RPS6KA2: variants seen among roughly 807,000 people sequenced by gnomAD.
RPS6KA2 encodes the protein ribosomal protein S6 kinase A2.
Under a neutral mutation model 91.8 loss-of-function variants are expected in RPS6KA2, and 42 were observed. That is an observed-to-expected ratio of 0.46 (90% CI 0.36 to 0.59). The LOEUF (loss-of-function observed/expected upper bound fraction) is 0.59, where lower values mean the gene tolerates loss of function less well. Among genes scored for constraint, RPS6KA2 ranks in the 20% least tolerant of loss-of-function variants. RPS6KA2 has a pLI of 0.00. For missense variants in RPS6KA2, 798 were observed against 978.5 expected (o/e 0.82, Z 2.46); for synonymous variants, 414 against 393.6 (o/e 1.05, Z -0.61).
intron 2 of RPS6KA2, among the ~76,000 whole-genome samples, chr6:166,768,437 G>A (rs733294): frequency 0.26 from 38,861 of 152,012 alleles, 5,081 homozygotes; most frequent in African/African-American, 0.28. Context: ...TGCCACCCAC[G>A]CTTCTGGGAC....
intron 2 of RPS6KA2, among the ~76,000 whole-genome samples, chr6:166,813,253 C>A (rs1166155881): frequency 6.6e-6 from 1 of 152,184 alleles, no homozygotes; most frequent in Non-Finnish European, 1.5e-5. Context: ...CCCACAGCAG[C>A]AGCCAGGGCT....
In RPS6KA2 at chr6:166,737,094, C is replaced by T. The variant is rs113881757; in HGVS notation, c.123+121106G>A. 0.01 allele frequency among the ~76,000 whole-genome samples: 1,550 copies of T among 152,286 alleles called. 21 individuals carry two copies. Among genetic ancestry groups the T allele is most frequent in the African/African-American group, 0.036 (1,476 of 41,552 alleles). ...TTACAGACGCAAAAAGATAGATGCACATTCTTTGTCAACTGTCACAAACGA... is the reference window on the plus strand; with the variant it reads ...TTACAGACGCAAAAAGATAGATGCATATTCTTTGTCAACTGTCACAAACGA... On this transcript the variant is annotated intron_variant, in intron 2 of 21. Coordinates refer to the RPS6KA2 transcript ENST00000503859. This position sits in a 1 kb window ranked among gnomAD's most constrained non-coding sequence, Gnocchi z 4.3.
chr6:166,424,601 A>T (rs797016581), intron 16 of RPS6KA2, among the ~76,000 whole-genome samples: 1 of 152,122 alleles, frequency 6.6e-6, no homozygotes. Flanking sequence ...CCCACTGGCC[A>T]CCTACTCATG....
At chr6:166,442,505 C>T (rs1408104492) in intron 14 of RPS6KA2, among the ~76,000 whole-genome samples, 2 of 152,218 alleles carry the variant, frequency 1.3e-5, no homozygotes, top group Non-Finnish European at 1.5e-5. Context: ...GATTAAATGA[C>T]TTCACACATA....
intron 2 of RPS6KA2, among the ~76,000 whole-genome samples, chr6:166,659,928 ATT>A (rs111723183): frequency 1.4e-5 from 2 of 142,300 alleles, no homozygotes; most frequent in African/African-American, 2.6e-5. Context: ...CATTTTTTGT[ATT>A]TTTTTTTTTT....
chr6:166,803,237 T>G (rs1208485705), intron 2 of RPS6KA2, among the ~76,000 whole-genome samples: 2 of 152,236 alleles, frequency 1.3e-5, no homozygotes, highest in Non-Finnish European at 2.9e-5. Context: ...AGAAGCGATC[T>G]TTTTAGAAGT....
At chr6:166,549,020 A>C (rs934953447) in intron 1 of RPS6KA2, among the ~76,000 whole-genome samples, 14 of 152,240 alleles carry the variant, frequency 9.2e-5, no homozygotes, top group Non-Finnish European at 1.8e-4. Context: ...TGGGGGAGAC[A>C]AGCAGATATT....
Position 166,626,916 on chromosome 6 carries a change from A to C in RPS6KA2, c.99+5T>G. 1 of 1,516,458 alleles carries C rather than the reference A, an allele frequency of 6.6e-7. No homozygotes were observed. Among genetic ancestry groups the C allele is most frequent in the Non-Finnish European group, 8.9e-7 (1 of 1,129,016 alleles). 93.9% of individuals were successfully genotyped at this position (1,516,458 alleles called of 1,614,324 possible). A position where few individuals can be genotyped will look rare whatever the true frequency, so the allele number is the denominator to read the frequency against. ...ACCTGCGCGCCCCGAGGGCGGCCGC[A>C]TTACCTCGAGCCGGCTCAGGCTGGA... On this transcript the variant is annotated splice_donor_5th_base_variant and intron_variant, in intron 1 of 20. Transcript: ENST00000265678. The surrounding 1 kb of genome is among the most constrained non-coding windows in gnomAD (Gnocchi z 4.1).
intron 10 of RPS6KA2, among the ~76,000 whole-genome samples, chr6:166,480,047 C>T (rs563275601): frequency 6.6e-6 from 1 of 152,094 alleles, no homozygotes; most frequent in East Asian, 1.9e-4. Context: ...TCTCTGTGCA[C>T]TTGTGTGAAT....
chr6:166,653,456 C>CA (rs1367233276), intron 2 of RPS6KA2, among the ~76,000 whole-genome samples: 2 of 152,256 alleles, frequency 1.3e-5, no homozygotes, highest in Non-Finnish European at 2.9e-5. Context: ...GTTATTGAAT[C>CA]AGACACGAGA....
In RPS6KA2 at chr6:166,451,358, T is replaced by TGC. The variant is rs1554275049; in HGVS notation, c.1076-127_1076-126dup. Reference sequence around the variant, plus strand: ...GTGTGTGTGTGTGTGTGTGTGTGTGTGCACGTGGCGTATGCCTGTGGTGGA... The same window carrying TGC: ...GTGTGTGTGTGTGTGTGTGTGTGTGTGCGCACGTGGCGTATGCCTGTGGTGGA... On this transcript the variant is annotated intron_variant, in intron 12 of 20. Coordinates refer to ENST00000265678, the MANE Select transcript of RPS6KA2 (RefSeq NM_021135.6). The TGC allele has an allele frequency of 3.4e-4, 348 of 1,012,544 alleles. 1 individual carries two copies. The African/African-American group carries it at 4.4e-3, about 13-fold the overall frequency. 62.7% of individuals were successfully genotyped at this position (1,012,544 alleles called of 1,614,324 possible). A position where few individuals can be genotyped will look rare whatever the true frequency, so the allele number is the denominator to read the frequency against.
intron 13 of RPS6KA2, among the ~76,000 whole-genome samples, chr6:166,449,813 TGGGAACCACCACAGGGACCACCAC>T (rs1449318565): frequency 3.2e-4 from 36 of 113,942 alleles, no homozygotes; most frequent in Middle Eastern, 4.6e-3. Context: ...GGGACCACCA[TGGGAACCACCACAGGGACCACCAC>T]GGGACAACCA....
At position 166,548,942 on chromosome 6, in the gene RPS6KA2, G is replaced by A. The variant is rs183502496; in HGVS notation, c.100-10158C>T. Among the ~76,000 whole-genome samples, 470 of 152,288 alleles carry A rather than the reference G, an allele frequency of 3.1e-3. 3 individuals are homozygous for A. Among genetic ancestry groups the A allele is most frequent in the Non-Finnish European group, 5.5e-3 (373 of 68,022 alleles). On this transcript the variant is annotated intron_variant, in intron 1 of 20. Transcript: ENST00000265678. ...TGTTTAAACCACACATCCAACAAAG[G>A]TTCTGCATCCATAATGTATAAGGAA...
chr6:166,614,196 G>A (rs1034142095), intron 1 of RPS6KA2, among the ~76,000 whole-genome samples: 3 of 152,230 alleles, frequency 2.0e-5, no homozygotes, highest in African/African-American at 4.8e-5. Flanking sequence ...TACAATTTGT[G>A]TATGTTTGAG....
intron 16 of RPS6KA2, among the ~76,000 whole-genome samples, chr6:166,428,798 G>A (rs1779016922): frequency 6.6e-6 from 1 of 152,090 alleles, no homozygotes; most frequent in Non-Finnish European, 1.5e-5. Flanking sequence ...AGGTGCTGGA[G>A]AGGATGTGGA....
At chr6:166,471,020 A>C (rs117269853) in intron 10 of RPS6KA2, among the ~76,000 whole-genome samples, 2,656 of 152,138 alleles carry the variant, frequency 0.017, 49 homozygotes, top group East Asian at 0.071. Context: ...CTCCGGGCCC[A>C]GGGCTGGGGA....
intron 8 of RPS6KA2, among the ~76,000 whole-genome samples, chr6:166,491,423 T>C (rs535380889): frequency 6.6e-6 from 1 of 152,252 alleles, no homozygotes; most frequent in African/African-American, 2.4e-5. Context: ...TTACACACAC[T>C]CTGGAAGCAG....
chr6:166,627,279 C>T, upstream of RPS6KA2: 1 of 962,574 alleles, frequency 1.0e-6, no homozygotes, highest in South Asian at 4.7e-5. Flanking sequence ...GCCACGCCTA[C>T]ACCACGCCCA....
chr6:166,640,420 G>A lies in RPS6KA2; in HGVS notation c.124-101636C>T, dbSNP rs187864687. ...ACGTAAAAGCCAGACAGGGGGAGCT[G>A]AGAATAGCCCGTGTGGCAGCCCCGG... On this transcript the variant is annotated intron_variant, in intron 2 of 21. Transcript: ENST00000503859. 2.2e-3 allele frequency among the ~76,000 whole-genome samples: 335 copies of A among 152,344 alleles called. 4 individuals carry two copies. Among genetic ancestry groups the A allele is most frequent in the East Asian group, 1.2e-3 (6 of 5,176 alleles).
Sources: gnomAD v4.1 joint callset for allele counts (sites outside exome capture counted in the v4.1 genomes callset) on GRCh38, gnomAD v4.1.1 for gene constraint, Gnocchi (gnomAD v3.1) non-coding constraint, MANE v1.5 for transcripts, NCBI Gene and HGNC (gene_info 2026-07-23, HGNC 2026-07-21) for gene names.